TSEN15: variants seen among roughly 807,000 people sequenced by gnomAD.
TSEN15 encodes tRNA-splicing endonuclease subunit Sen15.
Under a neutral mutation model 20.5 loss-of-function variants are expected in TSEN15, and 10 were observed. The ratio of observed to expected loss-of-function variants is 0.49; its 90% confidence interval spans 0.30 to 0.83. The LOEUF is 0.83. TSEN15 is among the 40% of genes least tolerant of loss of function. The probability of loss-of-function intolerance (pLI) is 0.06; values close to 1 mark genes in which losing one functional copy is unlikely to be tolerated. For synonymous variants in TSEN15, 72 were observed against 80.1 expected, an observed-to-expected ratio of 0.90 and a Z score of 0.54; for missense variants, 180 against 218.6, an observed-to-expected ratio of 0.82 and a Z score of 1.11.
At chr1:184,092,837 A>G (rs954446860) in intron 3 of TSEN15, among the ~76,000 whole-genome samples, 1 of 152,086 alleles carries the variant, frequency 6.6e-6, no homozygotes, top group Admixed American at 6.6e-5. Flanking sequence ...TTTTTCTTCA[A>G]CTGCCCTGAG....
At chr1:184,082,678 T>G (rs879531471) in intron 3 of TSEN15, among the ~76,000 whole-genome samples, 1 of 152,190 alleles carries the variant, frequency 6.6e-6, no homozygotes, top group South Asian at 2.1e-4. Context: ...CTTCCACTTT[T>G]GCTACTTTTT....
intron 3 of TSEN15, among the ~76,000 whole-genome samples, chr1:184,066,788 T>G (rs1185502307): frequency 6.6e-6 from 1 of 152,200 alleles, no homozygotes; most frequent in Non-Finnish European, 1.5e-5. Flanking sequence ...CTCTTTTGCC[T>G]TTCCATATCA....
At chr1:184,061,815 G>C (rs1303299195) in intron 3 of TSEN15, among the ~76,000 whole-genome samples, 1 of 152,114 alleles carries the variant, frequency 6.6e-6, no homozygotes, top group Non-Finnish European at 1.5e-5. Context: ...TTTAGACCTG[G>C]TGGTTTTGTT....
In TSEN15 at chr1:184,067,942, ATATAT is replaced by A. The variant is rs375343330; in HGVS notation, c.354-4214_354-4210del. Among the ~76,000 whole-genome samples the A allele has an allele frequency of 1.7e-3, 115 of 66,502 alleles. 1 individual carries two copies. In the South Asian group the frequency reaches 0.021, roughly 12 times the overall value. 43.6% of individuals were successfully genotyped at this position (66,502 alleles called of 152,430 possible). On this transcript the variant is annotated intron_variant, in intron 3 of 4. Coordinates refer to ENST00000645668, the MANE Select transcript of TSEN15 (RefSeq NM_052965.4). ...TCTCTCTCAAAAAAAAAAAAAAAAA[ATATAT>A]ATATATATATATATATATATATATG...
downstream of TSEN15, among the ~76,000 whole-genome samples, chr1:184,075,892 T>A (rs902071502): frequency 1.4e-5 from 2 of 144,340 alleles, no homozygotes; most frequent in East Asian, 2.0e-4. Context: ...GGGGTGGGTT[T>A]TATATATATA....
chr1:184,052,170 A>G lies in TSEN15; in HGVS notation c.135+280A>G, dbSNP rs139992111. On this transcript the variant is annotated intron_variant, in intron 1 of 4. Coordinates refer to ENST00000645668, the MANE Select transcript of TSEN15 (RefSeq NM_052965.4). ...GCCGGAGATCCCTAATAAGCGCTCC[A>G]CTAGTTTTGCTGTCTAGGTAAATCC... Among the ~76,000 whole-genome samples the G allele has an allele frequency of 3.2e-3, 480 of 152,322 alleles. 2 individuals carry two copies. The highest frequency in any genetic ancestry group is 7.6e-3 in the African/African-American group (314 of 41,580).
chr1:184,055,168 C>T (rs1000592338), intron 3 of TSEN15: 2 of 221,534 alleles, frequency 9.0e-6, no homozygotes, highest in Non-Finnish European at 1.8e-5. Flanking sequence ...CCTCAGGAAG[C>T]TTATAATCAT....
intron 3 of TSEN15, among the ~76,000 whole-genome samples, chr1:184,055,985 A>G (rs1650237711): frequency 6.6e-6 from 1 of 152,124 alleles, no homozygotes; most frequent in South Asian, 2.1e-4. Context: ...TAATTAAAAA[A>G]TCTTATCTTT....
At chr1:184,082,668 C>T (rs1651190961) in intron 3 of TSEN15, among the ~76,000 whole-genome samples, 1 of 152,128 alleles carries the variant, frequency 6.6e-6, no homozygotes, top group Non-Finnish European at 1.5e-5. Flanking sequence ...GGTTCTAACT[C>T]TTCCACTTTT....
chr1:184,078,906 C>T (rs1284130676), downstream of TSEN15, among the ~76,000 whole-genome samples: 2 of 152,120 alleles, frequency 1.3e-5, no homozygotes, highest in Non-Finnish European at 2.9e-5. Context: ...TCTCTGAGGT[C>T]ACTTTTTCCA....
chr1:184,053,662 G>A (rs1337523068), intron 1 of TSEN15, among the ~76,000 whole-genome samples: 1 of 152,178 alleles, frequency 6.6e-6, no homozygotes, highest in African/African-American at 2.4e-5. Context: ...TCCTGCAGGT[G>A]TAGGCCCCTG....
chr1:184,072,066 C>T lies in TSEN15; in HGVS notation c.354-91C>T, dbSNP rs1557885497. 30 of 1,313,234 alleles carry T rather than the reference C, an allele frequency of 2.3e-5. 1 individual carries two copies. In the East Asian group the frequency reaches 5.2e-4, roughly 23 times the overall value. The allele number at this position is 1,313,234 out of a possible 1,614,324, so 81.3% of individuals were successfully genotyped here. A position where few individuals can be genotyped will look rare whatever the true frequency, so the allele number is the denominator to read the frequency against. The stretch of plus-strand genomic sequence containing the variant: ...TTTACTTCAGTTTGGTTTCTTGTGA[C>T]CTGTTTTCAAGTTTTCTAGTGCTTT... On this transcript the variant is annotated intron_variant, in intron 3 of 4. Coordinates refer to ENST00000645668, the MANE Select transcript of TSEN15 (RefSeq NM_052965.4).
At chr1:184,055,611 C>T (rs1425849261) in intron 3 of TSEN15, among the ~76,000 whole-genome samples, 1 of 152,014 alleles carries the variant, frequency 6.6e-6, no homozygotes, top group Non-Finnish European at 1.5e-5. Context: ...TGGTGAAAAG[C>T]ATGATTAACA....
intron 3 of TSEN15, among the ~76,000 whole-genome samples, chr1:184,064,432 C>A (rs1340500945): frequency 6.6e-6 from 1 of 151,700 alleles, no homozygotes; most frequent in Non-Finnish European, 1.5e-5. Flanking sequence ...GTGAGAAAGC[C>A]CTAGATTGGT....
intron 3 of TSEN15, chr1:184,094,314 G>A (rs939603657): frequency 6.6e-6 from 1 of 152,256 alleles, no homozygotes; most frequent in South Asian, 2.1e-4. Flanking sequence ...TGAATTCCCA[G>A]GACCCTGTAC....
chr1:184,081,574 A>G (rs1426636914), intron 3 of TSEN15, among the ~76,000 whole-genome samples: 1 of 152,218 alleles, frequency 6.6e-6, no homozygotes, highest in Non-Finnish European at 1.5e-5. Context: ...AGAAAGCAGC[A>G]CTTCCAGGTA....
chr1:184,093,230 C>T (rs1651390676), intron 3 of TSEN15, among the ~76,000 whole-genome samples: 1 of 152,172 alleles, frequency 6.6e-6, no homozygotes, highest in African/African-American at 2.4e-5. Flanking sequence ...ACTGCCAGGC[C>T]TTTTAAAGTC....
intron 3 of TSEN15, among the ~76,000 whole-genome samples, chr1:184,085,239 T>C (rs1362393004): frequency 6.6e-6 from 1 of 152,184 alleles, no homozygotes; most frequent in African/African-American, 2.4e-5. Context: ...TCATGGGATA[T>C]GGCAAGGAGC....
At chr1:184,069,515 T>C (rs1177659431) in intron 3 of TSEN15, among the ~76,000 whole-genome samples, 1 of 152,136 alleles carries the variant, frequency 6.6e-6, no homozygotes, top group Admixed American at 6.6e-5. Flanking sequence ...CTGTCATTTC[T>C]AAAGTGAGAT....
Sources: gnomAD v4.1 joint callset for allele counts (sites outside exome capture counted in the v4.1 genomes callset) on GRCh38, gnomAD v4.1.1 for gene constraint, MANE v1.5 for transcripts, NCBI Gene and HGNC (gene_info 2026-07-23, HGNC 2026-07-21) for gene names.